The following ROBO1 variants were observed in gnomAD, a reference collection of about 807,000 sequenced individuals.
The protein encoded by ROBO1 is roundabout homolog 1.
Under a neutral mutation model 195.9 loss-of-function variants are expected in ROBO1, and 149 were observed. The observed-to-expected ratio is 0.76, with a 90% CI of 0.67 to 0.87. The LOEUF is 0.87. Ranked by LOEUF, ROBO1 falls within the 40% of genes least tolerant of loss-of-function variation. ROBO1 has a pLI of 0.00. For missense variants in ROBO1, 1,933 were observed against 2,068.3 expected (o/e 0.93, Z 1.27); for synonymous variants, 816 against 733.2 (o/e 1.11, Z -1.82).
At chr3:79,352,816 T>C (rs900793428) in intron 2 of ROBO1, among the ~76,000 whole-genome samples, 1 of 152,240 alleles carries the variant, frequency 6.6e-6, no homozygotes, top group African/African-American at 2.4e-5. Flanking sequence ...CTTACTATTG[T>C]ATACATTAAC....
intron 1 of ROBO1, among the ~76,000 whole-genome samples, chr3:79,609,375 A>T (rs1370946579): frequency 1.3e-5 from 2 of 151,956 alleles, no homozygotes; most frequent in African/African-American, 2.4e-5. Flanking sequence ...GGATGAAGAA[A>T]AATTGAAACA....
chr3:78,607,251 CAT>C, intron 28 of ROBO1: 3 of 551,044 alleles, frequency 5.4e-6, no homozygotes, highest in Non-Finnish European at 9.5e-6. Flanking sequence ...CTTACTCTGT[CAT>C]TCAGGCTACA....
intron 4 of ROBO1, among the ~76,000 whole-genome samples, chr3:78,788,164 G>A (rs534354700): frequency 6.6e-6 from 1 of 150,876 alleles, no homozygotes; most frequent in African/African-American, 2.4e-5. Flanking sequence ...CGCCCAGGCT[G>A]GAGTGCAGTG....
At chr3:78,954,060 G>C (rs750355561) in intron 3 of ROBO1, among the ~76,000 whole-genome samples, 21 of 151,772 alleles carry the variant, frequency 1.4e-4, no homozygotes, top group Admixed American at 3.9e-4. Flanking sequence ...TTTAGTTTAA[G>C]TTGAGCATTC....
chr3:79,430,541 A>G (rs954741593), intron 2 of ROBO1, among the ~76,000 whole-genome samples: 2 of 152,134 alleles, frequency 1.3e-5, no homozygotes, highest in Admixed American at 1.3e-4. Flanking sequence ...AAATAGCTGA[A>G]GTGCTAATTG....
At chr3:79,270,187 CTCTCT>C (rs1456481270) in intron 2 of ROBO1, among the ~76,000 whole-genome samples, 30 of 116,436 alleles carry the variant, frequency 2.6e-4, no homozygotes, top group African/African-American at 8.0e-4. Context: ...TGTTCTCTCT[CTCTCT>C]CTCTCTCTCT....
chr3:79,589,319 C>T (rs1039085372), intron 2 of ROBO1, among the ~76,000 whole-genome samples: 1 of 151,712 alleles, frequency 6.6e-6, no homozygotes, highest in Non-Finnish European at 1.5e-5. Flanking sequence ...TTTCTAACTT[C>T]ACCCAAAACA....
chr3:78,692,999 C>T (rs2081208964), intron 8 of ROBO1: 1 of 192,718 alleles, frequency 5.2e-6, no homozygotes, highest in Non-Finnish European at 1.1e-5. Flanking sequence ...AAATCATTCT[C>T]TGCATGTATT....
chr3:79,541,357 C>A (rs1312683396), intron 2 of ROBO1, among the ~76,000 whole-genome samples: 1 of 152,036 alleles, frequency 6.6e-6, no homozygotes, highest in Non-Finnish European at 1.5e-5. Flanking sequence ...TTACCCACAA[C>A]AGCCAGTGTT....
At chr3:79,028,908 C>T (rs1005579390) in intron 3 of ROBO1, among the ~76,000 whole-genome samples, 4 of 151,982 alleles carry the variant, frequency 2.6e-5, no homozygotes, top group African/African-American at 9.7e-5. Flanking sequence ...AGAAAGTAAA[C>T]TCTTTTCTTT....
intron 5 of ROBO1, among the ~76,000 whole-genome samples, chr3:78,742,856 G>C (rs920555037): frequency 1.3e-5 from 2 of 152,108 alleles, no homozygotes; most frequent in Non-Finnish European, 2.9e-5. Flanking sequence ...GATGGCGTGG[G>C]GGAACTGGTG....
At chr3:79,630,318 G>A (rs571463396) in intron 1 of ROBO1, among the ~76,000 whole-genome samples, 77 of 152,106 alleles carry the variant, frequency 5.1e-4, no homozygotes, top group Non-Finnish European at 2.6e-4. Context: ...TTATTCCAGG[G>A]ATGTGAGAAT....
intron 2 of ROBO1, among the ~76,000 whole-genome samples, chr3:79,397,111 T>C (rs1335321079): frequency 1.3e-5 from 2 of 151,976 alleles, no homozygotes; most frequent in Admixed American, 1.3e-4. Context: ...AGCTATCTAA[T>C]GAAATAGCAA....
intron 2 of ROBO1, among the ~76,000 whole-genome samples, chr3:79,284,449 T>G (rs1273145670): frequency 6.6e-6 from 1 of 152,066 alleles, no homozygotes; most frequent in Non-Finnish European, 1.5e-5. Flanking sequence ...AACATGCACA[T>G]TCTGCATGTG....
chr3:79,713,079 C>G (rs1049179848), intron 1 of ROBO1, among the ~76,000 whole-genome samples: 2 of 151,686 alleles, frequency 1.3e-5, no homozygotes, highest in Admixed American at 1.3e-4. Flanking sequence ...CTCCCCCACC[C>G]CCCACTTGAG....
At chr3:79,543,386 G>T (rs4361245) in intron 2 of ROBO1, among the ~76,000 whole-genome samples, 1 of 151,700 alleles carries the variant, frequency 6.6e-6, no homozygotes, top group African/African-American at 2.4e-5. Context: ...GATTTGTGTT[G>T]CCTTGCACAG....
At chr3:79,478,339 G>A (rs1938649130) in intron 2 of ROBO1, among the ~76,000 whole-genome samples, 2 of 152,028 alleles carry the variant, frequency 1.3e-5, no homozygotes, top group East Asian at 3.9e-4. Flanking sequence ...CAATAACCAA[G>A]GGTTAAGAAA....
chr3:78,648,786 G>C (rs1047698800), intron 19 of ROBO1, among the ~76,000 whole-genome samples: 1 of 151,430 alleles, frequency 6.6e-6, no homozygotes, highest in Non-Finnish European at 1.5e-5. Flanking sequence ...TACTTATCAT[G>C]TATCAAAACA....
At chr3:79,599,980 C>T (rs963915227) in intron 1 of ROBO1, among the ~76,000 whole-genome samples, 2 of 151,258 alleles carry the variant, frequency 1.3e-5, no homozygotes, top group Non-Finnish European at 1.5e-5. Flanking sequence ...TCCAAATTCA[C>T]GAAGATGATT....
Sources: gnomAD v4.1 joint callset for allele counts (sites outside exome capture counted in the v4.1 genomes callset) on GRCh38, gnomAD v4.1.1 for gene constraint, MANE v1.5 for transcripts, NCBI Gene and HGNC (gene_info 2026-07-23, HGNC 2026-07-21) for gene names.